Variants in ZNF532 observed in about 807,000 individuals in gnomAD.
ZNF532 encodes the protein zinc finger protein 532.
Under a neutral mutation model 89.3 loss-of-function variants are expected in ZNF532, and 22 were observed. That is an observed-to-expected ratio of 0.25 (90% CI 0.18 to 0.35). ZNF532 has a LOEUF of 0.35. Ranked by LOEUF, ZNF532 falls within the 10% of genes least tolerant of loss-of-function variation. ZNF532 has a pLI of 1.00. For missense variants in ZNF532, 1,132 were observed against 1,643.4 expected (o/e 0.69, Z 5.38); for synonymous variants, 606 against 649.6 (o/e 0.93, Z 1.02).
intron 6 of ZNF532, 102 bp downstream of exon 6, chr18:58,948,331 C>A: frequency 8.2e-7 from 1 of 1,223,476 alleles, no homozygotes; most frequent in Non-Finnish European, 1.1e-6. Context: ...GCCTCACTGT[C>A]GAGGGAAGGG....
intron 7 of ZNF532, among the ~76,000 whole-genome samples, chr18:58,975,372 T>C (rs1002622038): frequency 6.6e-6 from 1 of 152,214 alleles, no homozygotes; most frequent in Non-Finnish European, 1.5e-5. Flanking sequence ...TTGCCAGATC[T>C]GGGTATGAAG....
rs1181670152 is a variant in ZNF532, at chr18:58,948,145, T to A, written c.2784T>A (p.Ile928=). 2 of 1,613,950 alleles carry A rather than the reference T, an allele frequency of 1.2e-6. No individual in the cohort carries two copies. The highest frequency in any genetic ancestry group is 3.3e-5 in the Admixed American group (2 of 60,006). The change falls in exon 6 of 10, where the codon ATT becomes ATA. Residue 928 remains isoleucine, a synonymous_variant. Coordinates refer to ENST00000591808, the MANE Select transcript of ZNF532 (RefSeq NM_001375912.1). The part of the protein sequence containing the change: ...TLLYRHFDQH[I]ENQKVSVFKC... ...TGTATCGCCACTTTGACCAACACAT[T>A]GAAAACCAGAAGGTGTCTGTTTTCA...
At chr18:58,928,905 T>C (rs2061733928) in intron 3 of ZNF532, among the ~76,000 whole-genome samples, 1 of 152,216 alleles carries the variant, frequency 6.6e-6, no homozygotes. Context: ...TTTAATGTGT[T>C]GGGATGTCAT....
Position 58,919,139 on chromosome 18 carries a change from A to G in ZNF532, c.852A>G (p.Ser284=), listed in dbSNP as rs150677501. 4.0e-4 allele frequency: 645 copies of G among 1,614,238 alleles called. No homozygotes were observed. In the Admixed American group the frequency reaches 5.8e-3, roughly 15 times the overall value. ...CTCTCAGCGCTAAAAAGGCGGCTTC[A>G]GACTCCTGCAAAGAACCAGTGGCCA... The part of the protein sequence containing the change: ...IAALSAKKAA[S]DSCKEPVANS... The change falls in exon 3 of 10, where the codon TCA becomes TCG. Residue 284 remains serine (S), a synonymous_variant. Transcript: ENST00000591808. The surrounding 1 kb of genome is among the most constrained non-coding windows in gnomAD (Gnocchi z 6.1).
At position 58,919,856 on chromosome 18, in the gene ZNF532, C is replaced by T. The variant is rs542290005; in HGVS notation, c.1569C>T (p.His523=). The T allele has an allele frequency of 1.9e-6, 3 of 1,614,028 alleles. No individual in the cohort carries two copies. The highest frequency in any genetic ancestry group is 2.2e-5 in the East Asian group (1 of 44,882). Residue 523 remains histidine (H), a synonymous_variant, in exon 3 of 10, where the codon CAC becomes CAT. Transcript: ENST00000591808. The surrounding 1 kb of genome is among the most constrained non-coding windows in gnomAD (Gnocchi z 6.1). ...CCAAACTCGTGCCAAAGACTGTGCA[C>T]CTTGCCAACCTTAACCTTTTGCCTC... The part of the protein sequence containing the change: ...ANAKLVPKTV[H]LANLNLLPQG...
intron 7 of ZNF532, among the ~76,000 whole-genome samples, chr18:58,960,614 C>T (rs1005331753): frequency 2.0e-5 from 3 of 152,208 alleles, no homozygotes; most frequent in Admixed American, 2.0e-4. Flanking sequence ...CTTTTCTTTA[C>T]AGAGGGACCA....
intron 3 of ZNF532, among the ~76,000 whole-genome samples, chr18:58,932,922 T>G (rs1378241163): frequency 6.6e-6 from 1 of 152,128 alleles, no homozygotes; most frequent in East Asian, 1.9e-4. Flanking sequence ...AAATGTTTTT[T>G]GACTTCTTTT....
At chr18:58,938,963 T>A (rs1029773139) in intron 4 of ZNF532, among the ~76,000 whole-genome samples, 27 of 152,104 alleles carry the variant, frequency 1.8e-4, no homozygotes, top group African/African-American at 6.5e-4. Context: ...CATATAAAAA[T>A]AGGCTGGGCA....
At chr18:58,978,673 G>A (rs903708081) in intron 7 of ZNF532, among the ~76,000 whole-genome samples, 3 of 152,020 alleles carry the variant, frequency 2.0e-5, no homozygotes, top group South Asian at 4.2e-4. Flanking sequence ...CTAAATACAG[G>A]TTGAGTATCC....
At chr18:58,867,763 T>C (rs1356552674) in intron 2 of ZNF532, among the ~76,000 whole-genome samples, 1 of 152,206 alleles carries the variant, frequency 6.6e-6, no homozygotes, top group African/African-American at 2.4e-5. Flanking sequence ...GTTGAACCCT[T>C]CTTGTTTTTA....
At chr18:58,906,166 G>A (rs115469932) in intron 2 of ZNF532, among the ~76,000 whole-genome samples, 373 of 152,228 alleles carry the variant, frequency 2.5e-3, no homozygotes, top group African/African-American at 8.6e-3. Flanking sequence ...TACTGTCCTC[G>A]GAAGAAAGTC....
At chr18:58,904,925 T>G (rs559053529) in intron 2 of ZNF532, among the ~76,000 whole-genome samples, 1 of 150,246 alleles carries the variant, frequency 6.7e-6, no homozygotes, top group South Asian at 2.1e-4. Flanking sequence ...CACTGCAACC[T>G]CCGACTCCAG....
chr18:58,965,909 T>A (rs1221406332), intron 7 of ZNF532, among the ~76,000 whole-genome samples: 1 of 152,090 alleles, frequency 6.6e-6, no homozygotes, highest in Non-Finnish European at 1.5e-5. Flanking sequence ...TCTGGAGAAA[T>A]GCACAAGAGA....
chr18:58,905,403 CTTTTTTTTTT>C lies in ZNF532; in HGVS notation c.-17-12862_-17-12853del, dbSNP rs11376624. On this transcript the variant is annotated intron_variant, in intron 2 of 9. Transcript: ENST00000591808. The stretch of plus-strand genomic sequence containing the variant: ...CCAGGTTCTCCATTTTTTTTTCTTT[CTTTTTTTTTT>C]TTTTTAAGACAAGGTCTGGCTCTGT... Among the ~76,000 whole-genome samples, 13 of 139,350 alleles carry C rather than the reference CTTTTTTTTTT, an allele frequency of 9.3e-5. No individual in the cohort carries two copies. The East Asian group carries it at 2.7e-3, about 29-fold the overall frequency. 91.4% of individuals were successfully genotyped at this position (139,350 alleles called of 152,430 possible).
chr18:58,937,956 A>T (rs371671321), intron 4 of ZNF532, among the ~76,000 whole-genome samples: 4 of 152,238 alleles, frequency 2.6e-5, no homozygotes, highest in Non-Finnish European at 5.9e-5. Context: ...GTGTTTAAAC[A>T]TAGCTGTTGC....
intron 2 of ZNF532, among the ~76,000 whole-genome samples, chr18:58,867,808 A>G (rs2056614619): frequency 6.6e-6 from 1 of 152,190 alleles, no homozygotes; most frequent in South Asian, 2.1e-4. Context: ...TCCATGTTAA[A>G]GAACACTGGA....
chr18:58,941,073 TGTTGAA>T (rs2062979416), intron 5 of ZNF532, among the ~76,000 whole-genome samples: 1 of 151,302 alleles, frequency 6.6e-6, no homozygotes, highest in Admixed American at 6.6e-5. Flanking sequence ...AAAAAAAACA[TGTTGAA>T]GTTAAATTTT....
At position 58,923,926 on chromosome 18, in the gene ZNF532, G is replaced by A. The variant is rs972105375; in HGVS notation, c.2346+3293G>A. On this transcript the variant is annotated intron_variant, in intron 3 of 9. Transcript: ENST00000591808. ...GGCTGGAGTGCAGTGGCATGATCTC[G>A]GCTCATGGCAACCTCTGCCTCCTGG... 3.9e-5 allele frequency among the ~76,000 whole-genome samples: 6 copies of A among 151,916 alleles called. No homozygotes were observed. In the South Asian group the frequency reaches 1.0e-3, roughly 26 times the overall value.
chr18:58,975,361 C>T (rs2066925242), intron 7 of ZNF532, among the ~76,000 whole-genome samples: 1 of 152,208 alleles, frequency 6.6e-6, no homozygotes, highest in South Asian at 2.1e-4. Flanking sequence ...ATGTGGATGC[C>T]TTGCCAGATC....
Sources: gnomAD v4.1 joint callset for allele counts (sites outside exome capture counted in the v4.1 genomes callset) on GRCh38, gnomAD v4.1.1 for gene constraint, Gnocchi (gnomAD v3.1) non-coding constraint, MANE v1.5 for transcripts, NCBI Gene and HGNC (gene_info 2026-07-23, HGNC 2026-07-21) for gene names.